M1AP: variants seen among roughly 807,000 people sequenced by gnomAD.
The protein encoded by M1AP is meiosis 1 arrest protein.
M1AP carries 39 observed loss-of-function variants against 51.2 expected under a neutral mutation model. The observed-to-expected ratio is 0.76, with a 90% CI of 0.59 to 1.00. M1AP has a LOEUF of 1.00. M1AP is among the 50% of genes least tolerant of loss of function. The probability of loss-of-function intolerance (pLI) is 0.00; values close to 1 mark genes in which losing one functional copy is unlikely to be tolerated. For missense variants in M1AP, 545 were observed against 641.2 expected (o/e 0.85, Z 1.62); for synonymous variants, 251 against 249.2 (o/e 1.01, Z -0.07).
chr2:74,584,256 G>A (rs1679573909), intron 4 of M1AP, among the ~76,000 whole-genome samples: 1 of 152,192 alleles, frequency 6.6e-6, no homozygotes, highest in South Asian at 2.1e-4. Context: ...AAATGACTCA[G>A]CAGCTTCTCT....
At chr2:74,561,142 A>AGGAGGAGGAGGAGG (rs1677937522) in intron 8 of M1AP, among the ~76,000 whole-genome samples, 1 of 21,304 alleles carries the variant, frequency 4.7e-5, no homozygotes. Context: ...GGAGGAGGAG[A>AGGAGGAGGAGGAGG]AGGAGGAGGA....
intron 2 of M1AP, among the ~76,000 whole-genome samples, chr2:74,638,388 A>G (rs1032798285): frequency 2.0e-5 from 3 of 152,086 alleles, no homozygotes; most frequent in Non-Finnish European, 2.9e-5. Flanking sequence ...TGTTTTGAAA[A>G]GTGTTTTTCA....
rs374080806 is a variant in M1AP, at chr2:74,640,097, C to T, written c.179G>A (p.Arg60His). Reference sequence around the variant, plus strand: ...CATGTATAAACTGAACAGGGACATGCGGCTGGGGCCCATCAAGCTGCAGGC... The same window carrying T: ...CATGTATAAACTGAACAGGGACATGTGGCTGGGGCCCATCAAGCTGCAGGC... The part of the protein sequence containing the change: ...SLACSLMGPS[R>H]MSLFSLYMVQ... Residue 60 changes from arginine to histidine, a missense_variant, in exon 2 of 11, where the codon CGC becomes CAC. Physicochemically the swap from Arg to His is conservative, Grantham distance 29. Transcript: ENST00000421985. The T allele has an allele frequency of 3.1e-5, 50 of 1,614,046 alleles. No homozygotes were observed. Among genetic ancestry groups the T allele is most frequent in the East Asian group, 1.8e-4 (8 of 44,900 alleles).
In M1AP at chr2:74,565,686, G is replaced by A. The variant is rs139469539; in HGVS notation, c.1075-3263C>T. Reference sequence around the variant, plus strand: ...TACTAAAAAAATACAAAAATTAGCCGGGAGTGGTGGCACGTGCCTGTAGTC... The same window carrying A: ...TACTAAAAAAATACAAAAATTAGCCAGGAGTGGTGGCACGTGCCTGTAGTC... On this transcript the variant is annotated intron_variant, in intron 7 of 10. Transcript: ENST00000421985. Among the ~76,000 whole-genome samples, 726 of 151,776 alleles carry A rather than the reference G, an allele frequency of 4.8e-3. 7 individuals are homozygous for A. Among genetic ancestry groups the A allele is most frequent in the African/African-American group, 0.017 (691 of 41,374 alleles).
At chr2:74,561,462 G>C (rs1035279735) in intron 8 of M1AP, among the ~76,000 whole-genome samples, 7 of 151,628 alleles carry the variant, frequency 4.6e-5, no homozygotes, top group African/African-American at 1.5e-4. Context: ...GAACACACCA[G>C]CACACAGATG....
intron 4 of M1AP, among the ~76,000 whole-genome samples, chr2:74,583,999 G>A (rs947880316): frequency 1.3e-5 from 2 of 152,068 alleles, no homozygotes; most frequent in Admixed American, 6.6e-5. Flanking sequence ...GACACTCTGT[G>A]CCCTTATGGA....
intron 4 of M1AP, among the ~76,000 whole-genome samples, chr2:74,584,462 A>G (rs1679587591): frequency 6.6e-6 from 1 of 151,422 alleles, no homozygotes. Flanking sequence ...AAAAAAAAAA[A>G]AAAGAAAAAG....
In M1AP at chr2:74,611,955, G is replaced by A. The variant is rs866211014; in HGVS notation, c.426+3009C>T. On this transcript the variant is annotated intron_variant, in intron 3 of 10. Coordinates refer to ENST00000421985, the MANE Select transcript of M1AP (RefSeq NM_001321739.2). ...GTCGCCCAGGCAGGAGTGCAGTGGC[G>A]CGATCTCGGCTCACTGCAAGCTCCG... 1.7e-4 allele frequency among the ~76,000 whole-genome samples: 22 copies of A among 130,514 alleles called. No homozygotes were observed. In the East Asian group the frequency reaches 1.7e-3, roughly 10 times the overall value. The allele number at this position is 130,514 out of a possible 152,430, so 85.6% of individuals were successfully genotyped here.
chr2:74,577,604 G>T (rs113100122), intron 5 of M1AP, among the ~76,000 whole-genome samples: 33 of 152,308 alleles, frequency 2.2e-4, no homozygotes, highest in Middle Eastern at 6.8e-3. Context: ...AGATCCAGCT[G>T]GCCCTCCTGG....
chr2:74,625,279 T>A (rs1443787227), intron 2 of M1AP, among the ~76,000 whole-genome samples: 2 of 152,200 alleles, frequency 1.3e-5, no homozygotes, highest in Non-Finnish European at 2.9e-5. Flanking sequence ...GTTTTTTTCT[T>A]ACTGAGTTGT....
chr2:74,589,441 G>A (rs193209403), intron 4 of M1AP, among the ~76,000 whole-genome samples: 1 of 152,318 alleles, frequency 6.6e-6, no homozygotes, highest in African/African-American at 2.4e-5. Context: ...GTGCAAGAGT[G>A]GGGCAGAGTA....
intron 5 of M1AP, among the ~76,000 whole-genome samples, chr2:74,579,641 T>TAA (rs1679287261): frequency 6.6e-6 from 1 of 152,174 alleles, no homozygotes; most frequent in African/African-American, 2.4e-5. Flanking sequence ...TGTATGTGTC[T>TAA]TACAATTGCC....
chr2:74,611,891 T>G (rs980467542), intron 3 of M1AP, among the ~76,000 whole-genome samples: 1 of 75,140 alleles, frequency 1.3e-5, no homozygotes, highest in African/African-American at 4.9e-5. Flanking sequence ...TGTTTTTTTT[T>G]TTTTTTTTTT....
chr2:74,637,870 G>T (rs1292276807), intron 2 of M1AP, among the ~76,000 whole-genome samples: 1 of 151,974 alleles, frequency 6.6e-6, no homozygotes, highest in Non-Finnish European at 1.5e-5. Flanking sequence ...ATACTCAAGG[G>T]GCACCCTCTT....
At chr2:74,614,670 A>G (rs1483092635) in intron 3 of M1AP, among the ~76,000 whole-genome samples, 1 of 152,244 alleles carries the variant, frequency 6.6e-6, no homozygotes, top group African/African-American at 2.4e-5. Context: ...ACAACTTCCA[A>G]AAATCCAGAG....
chr2:74,567,580 G>A (rs1482129530), intron 7 of M1AP, among the ~76,000 whole-genome samples: 1 of 152,212 alleles, frequency 6.6e-6, no homozygotes, highest in Non-Finnish European at 1.5e-5. Context: ...GATAAAATAA[G>A]TTAGTAGCTG....
At chr2:74,576,694 T>C in intron 5 of M1AP, 76 bp from the exon 6 acceptor site, 1 of 1,519,248 alleles carries the variant, frequency 6.6e-7, no homozygotes, top group Non-Finnish European at 9.0e-7. Flanking sequence ...TACCTTAGGC[T>C]ATGCCATTAA....
At chr2:74,626,256 A>ATTTTT (rs1485849068) in intron 2 of M1AP, among the ~76,000 whole-genome samples, 45 of 136,506 alleles carry the variant, frequency 3.3e-4, no homozygotes, top group African/African-American at 1.2e-3. Context: ...GCTATATTTC[A>ATTTTT]GTTTTTTTTT....
chr2:74,619,400 A>G, intron 2 of M1AP: 1 of 179,184 alleles, frequency 5.6e-6, no homozygotes, highest in Non-Finnish European at 1.2e-5. Flanking sequence ...CAACCATAAA[A>G]GATGAAATGG....
Sources: gnomAD v4.1 joint callset for allele counts (sites outside exome capture counted in the v4.1 genomes callset) on GRCh38, gnomAD v4.1.1 for gene constraint, MANE v1.5 for transcripts, NCBI Gene and HGNC (gene_info 2026-07-23, HGNC 2026-07-21) for gene names.